FRK: variants seen among roughly 807,000 people sequenced by gnomAD.
FRK encodes the protein fyn related Src family tyrosine kinase.
FRK carries 51 observed loss-of-function variants against 56.4 expected under a neutral mutation model. The ratio of observed to expected loss-of-function variants is 0.90; its 90% CI spans 0.72 to 1.14. The LOEUF is 1.14. Ranked by LOEUF, FRK falls within the 50% of genes most tolerant of loss-of-function variation. The pLI is 0.00. For missense variants in FRK, 570 were observed against 601.4 expected, an observed-to-expected ratio of 0.95 and a Z score of 0.55; for synonymous variants, 245 against 217.9, an observed-to-expected ratio of 1.12 and a Z score of -1.10.
chr6:116,039,499 C>T lies in FRK; in HGVS notation c.344+20469G>A. On this transcript the variant is annotated intron_variant, in intron 1 of 7. Transcript: ENST00000606080. ...CATCATCAATGCCAAACAATGAGCC[C>T]CATCCATCTTCCCTACCCTTCCTGC... The T allele has an allele frequency of 2.0e-6, 3 of 1,464,774 alleles. No individual in the cohort carries two copies. The East Asian group carries it at 6.8e-5, about 33-fold the overall frequency. The allele number at this position is 1,464,774 out of a possible 1,614,324, so 90.7% of individuals were successfully genotyped here.
At chr6:116,059,291 ATGT>A (rs1777525232) in intron 1 of FRK, among the ~76,000 whole-genome samples, 2 of 152,100 alleles carry the variant, frequency 1.3e-5, no homozygotes, top group Admixed American at 1.3e-4. Context: ...CTTCAAGGAG[ATGT>A]TGTCCTTTTT....
At chr6:115,973,018 A>T (rs971910954) in intron 2 of FRK, among the ~76,000 whole-genome samples, 1 of 152,212 alleles carries the variant, frequency 6.6e-6, no homozygotes, top group Admixed American at 6.5e-5. Flanking sequence ...TTCAGCAGTG[A>T]TATCATTCAT....
chr6:116,092,354 C>T, the FRK span, among the ~76,000 whole-genome samples: 407 of 152,292 alleles, frequency 2.7e-3, 2 homozygotes, highest in African/African-American at 8.8e-3. Flanking sequence ...GAGATCCCTT[C>T]CCTCCCTCAG....
intron 1 of FRK, among the ~76,000 whole-genome samples, chr6:116,048,350 C>T (rs1777055251): frequency 6.6e-6 from 1 of 152,158 alleles, no homozygotes; most frequent in African/African-American, 2.4e-5. Flanking sequence ...CCATATGACA[C>T]ATGTATTTAT....
At chr6:115,967,775 T>A in intron 3 of FRK, 56 bp from the exon 4 acceptor site, 1 of 1,322,942 alleles carries the variant, frequency 7.6e-7, no homozygotes, top group Non-Finnish European at 1.0e-6. Context: ...GATTTAATAT[T>A]ATTTTGTTGA....
the FRK span, among the ~76,000 whole-genome samples, chr6:116,085,467 A>C: frequency 3.9e-5 from 6 of 152,238 alleles, no homozygotes; most frequent in African/African-American, 1.4e-4. Context: ...GTCTAAAGAA[A>C]AGGTTCAAGT....
the FRK span, among the ~76,000 whole-genome samples, chr6:116,099,458 C>T: frequency 3.3e-5 from 5 of 152,218 alleles, no homozygotes; most frequent in Non-Finnish European, 1.5e-5. Flanking sequence ...GGTCAATGCT[C>T]CAGGGCCAAC....
At chr6:115,993,356 G>A (rs1407049714) in intron 2 of FRK, among the ~76,000 whole-genome samples, 1 of 151,806 alleles carries the variant, frequency 6.6e-6, no homozygotes, top group Non-Finnish European at 1.5e-5. Context: ...GTAATGCTGT[G>A]AAGAATTCTG....
At chr6:116,032,859 T>C (rs1776348623) in intron 1 of FRK, among the ~76,000 whole-genome samples, 1 of 152,058 alleles carries the variant, frequency 6.6e-6, no homozygotes, top group Admixed American at 6.6e-5. Context: ...ATTAAAAAAA[T>C]TCTTCTTTGC....
chr6:116,030,614 A>AGCCCT (rs373000081), intron 1 of FRK, among the ~76,000 whole-genome samples: 155 of 152,284 alleles, frequency 1.0e-3, no homozygotes, highest in African/African-American at 3.5e-3. Flanking sequence ...TCCATAAAAA[A>AGCCCT]GAACATGTGG....
chr6:115,941,244 C>CA lies in FRK; in HGVS notation c.*1169dup, dbSNP rs1450411691. On this transcript the variant is annotated 3_prime_UTR_variant, in exon 8 of 8. Coordinates refer to ENST00000606080, the MANE Select transcript of FRK (RefSeq NM_002031.3). ...CATTCTTAACAAACTAACACAAGAA[C>CA]AAAAAACCAAACACAGCATGTTCTC... 1.3e-5 allele frequency: 2 copies of CA among 152,056 alleles called. No homozygotes were observed. The highest frequency in any genetic ancestry group is 2.9e-5 in the Non-Finnish European group (2 of 68,032). 9.4% of individuals were successfully genotyped at this position (152,056 alleles called of 1,614,324 possible). A position where few individuals can be genotyped will look rare whatever the true frequency, so the allele number is the denominator to read the frequency against.
chr6:116,056,225 G>T lies in FRK; in HGVS notation c.344+3743C>A, dbSNP rs1393853229. On this transcript the variant is annotated intron_variant, in intron 1 of 7. Coordinates refer to ENST00000606080, the MANE Select transcript of FRK (RefSeq NM_002031.3). The stretch of plus-strand genomic sequence containing the variant: ...GTTTTTTTTTTTTTTTTTGGTTGGT[G>T]GGGATTCGAGATAGGGTCTGGCTCT... Among the ~76,000 whole-genome samples, 14 of 146,194 alleles carry T rather than the reference G, an allele frequency of 9.6e-5. No homozygotes were observed. The South Asian group carries it at 2.2e-3, about 23-fold the overall frequency.
intron 2 of FRK, among the ~76,000 whole-genome samples, chr6:115,984,031 A>C (rs1774303157): frequency 6.6e-6 from 1 of 152,122 alleles, no homozygotes; most frequent in Admixed American, 6.6e-5. Flanking sequence ...GTAGAATATC[A>C]TTCTATTTAC....
At chr6:115,950,067 A>C (rs911666920) in intron 5 of FRK, among the ~76,000 whole-genome samples, 2 of 152,208 alleles carry the variant, frequency 1.3e-5, no homozygotes, top group African/African-American at 4.8e-5. Flanking sequence ...AAGAACTAAA[A>C]CCATAAAAAC....
chr6:116,022,895 T>C (rs1338506492), intron 1 of FRK, among the ~76,000 whole-genome samples: 1 of 152,118 alleles, frequency 6.6e-6, no homozygotes, highest in Non-Finnish European at 1.5e-5. Flanking sequence ...AATAGCAGCA[T>C]AGCAAAGAAA....
the FRK span, among the ~76,000 whole-genome samples, chr6:116,071,896 C>A: frequency 1.8e-4 from 27 of 152,206 alleles, no homozygotes; most frequent in African/African-American, 5.5e-4. Context: ...TCTAAAGAAG[C>A]ATACATTTGT....
At chr6:115,960,425 A>G (rs1773304654) in intron 4 of FRK, among the ~76,000 whole-genome samples, 1 of 150,420 alleles carries the variant, frequency 6.6e-6, no homozygotes, top group Admixed American at 6.6e-5. Flanking sequence ...TTGCTAGCAC[A>G]GCAGTCTGAG....
At chr6:116,018,162 A>C (rs1775721893) in intron 1 of FRK, among the ~76,000 whole-genome samples, 1 of 152,154 alleles carries the variant, frequency 6.6e-6, no homozygotes, top group South Asian at 2.1e-4. Context: ...GGGATTTTAC[A>C]ACAAAATTCT....
chr6:115,989,022 A>AT (rs796591075), intron 2 of FRK, among the ~76,000 whole-genome samples: 3 of 151,486 alleles, frequency 2.0e-5, no homozygotes, highest in South Asian at 2.1e-4. Flanking sequence ...GTTTGAGATC[A>AT]TTTTTTTTCA....
Sources: gnomAD v4.1 joint callset for allele counts (sites outside exome capture counted in the v4.1 genomes callset) on GRCh38, gnomAD v4.1.1 for gene constraint, MANE v1.5 for transcripts, NCBI Gene and HGNC (gene_info 2026-07-23, HGNC 2026-07-21) for gene names.